Variants in SCGN observed in about 807,000 individuals in gnomAD.
SCGN encodes the protein secretagogin.
In SCGN, 30 loss-of-function variants were observed where a neutral mutation model predicts 39.7. The observed-to-expected ratio is 0.76, with a 90% CI of 0.57 to 1.03. The LOEUF (loss-of-function observed/expected upper bound fraction) is 1.03, where lower values mean the gene tolerates loss of function less well. Among genes scored for constraint, SCGN ranks in the 50% least tolerant of loss-of-function variants. The probability of loss-of-function intolerance (pLI) is 0.00; values close to 1 mark genes in which losing one functional copy is unlikely to be tolerated. For synonymous variants in SCGN, 106 were observed against 114.1 expected, an observed-to-expected ratio of 0.93 and a Z score of 0.45; for missense variants, 353 against 349.4, an observed-to-expected ratio of 1.01 and a Z score of -0.08.
intron 3 of SCGN, among the ~76,000 whole-genome samples, chr6:25,663,849 C>T (rs544178453): frequency 6.6e-6 from 1 of 152,170 alleles, no homozygotes; most frequent in Admixed American, 6.5e-5. Context: ...TGTCCTTGAG[C>T]TGACCCATAT....
chr6:25,660,368 G>A (rs1760315966), intron 2 of SCGN, among the ~76,000 whole-genome samples: 2 of 152,202 alleles, frequency 1.3e-5, no homozygotes, highest in African/African-American at 4.8e-5. Context: ...GCCTGTGATG[G>A]AGGGCAAAGA....
intron 2 of SCGN, among the ~76,000 whole-genome samples, chr6:25,655,616 ATAATCCT>A (rs1760213751): frequency 6.6e-6 from 1 of 152,190 alleles, no homozygotes; most frequent in Non-Finnish European, 1.5e-5. Flanking sequence ...GGAAGTTCTC[ATAATCCT>A]TAACCTAGTG....
chr6:25,690,072 A>T (rs1759756425), intron 9 of SCGN, among the ~76,000 whole-genome samples: 1 of 152,190 alleles, frequency 6.6e-6, no homozygotes, highest in Non-Finnish European at 1.5e-5. Flanking sequence ...GGTTATAAGG[A>T]TGTTTCCCTG....
rs374121641 is a variant in SCGN at position 25,698,374 on chromosome 6, CA to C, written c.703-2828del. 1.2e-4 allele frequency among the ~76,000 whole-genome samples: 18 copies of C among 152,206 alleles called. No individual in the cohort carries two copies. In the South Asian group the frequency reaches 2.3e-3, roughly 19 times the overall value. On this transcript the variant is annotated intron_variant, in intron 10 of 10. Transcript: ENST00000377961. ...AATTAGAAAACAAAACAAAACAAAA[CA>C]AAAACAAACTTAGAATAGTTTGAAT...
chr6:25,661,603 A>G lies in SCGN; in HGVS notation c.205A>G (p.Thr69Ala), dbSNP rs1283748098. 3.1e-6 allele frequency: 5 copies of G among 1,613,698 alleles called. No homozygotes were observed. The highest frequency in any genetic ancestry group is 4.2e-6 in the Non-Finnish European group (5 of 1,179,686). Residue 69 changes from threonine to alanine, a missense_variant, in exon 3 of 11, where the codon ACC becomes GCC. Coordinates refer to ENST00000377961, the MANE Select transcript of SCGN (RefSeq NM_006998.4). Reference sequence around the variant, plus strand: ...CAAGGTGAAACAGCAGTTTATGACTACCCAAGATGCCTCTAAAGATGGTCG... The same window carrying G: ...CAAGGTGAAACAGCAGTTTATGACTGCCCAAGATGCCTCTAAAGATGGTCG... ...LHKVKQQFMT[T>A]QDASKDGRIR... is the part of the protein sequence containing the mutation.
chr6:25,699,657 G>A (rs1481672650), intron 10 of SCGN, among the ~76,000 whole-genome samples: 1 of 151,678 alleles, frequency 6.6e-6, no homozygotes, highest in Non-Finnish European at 1.5e-5. Flanking sequence ...GTGTAAACCA[G>A]GGTGCAGAGA....
chr6:25,693,967 A>T (rs779300977), intron 10 of SCGN, among the ~76,000 whole-genome samples: 6 of 152,236 alleles, frequency 3.9e-5, no homozygotes, highest in Non-Finnish European at 7.3e-5. Flanking sequence ...TAAAGTTGTC[A>T]TGAAGATTAC....
At chr6:25,676,834 C>A (rs1759569221) in intron 6 of SCGN, among the ~76,000 whole-genome samples, 1 of 152,170 alleles carries the variant, frequency 6.6e-6, no homozygotes, top group South Asian at 2.1e-4. Context: ...TTTGTTTGTT[C>A]AGTAAATAGA....
intron 9 of SCGN, 69 bp downstream of exon 9, chr6:25,689,601 C>A: frequency 7.8e-7 from 1 of 1,280,092 alleles, no homozygotes; most frequent in Admixed American, 1.7e-5. Context: ...CTATGTGGAG[C>A]CATCTTACCC....
At chr6:25,674,157 C>G (rs1425609994) in intron 6 of SCGN, among the ~76,000 whole-genome samples, 2 of 152,190 alleles carry the variant, frequency 1.3e-5, no homozygotes, top group Admixed American at 6.5e-5. Flanking sequence ...TACATTTCAA[C>G]ATGAGATTTA....
rs186619925 is a variant in SCGN, at chr6:25,679,467, C to T, written c.472-2484C>T. 4.2e-4 allele frequency among the ~76,000 whole-genome samples: 60 copies of T among 142,766 alleles called. No homozygotes were observed. The South Asian group carries it at 5.5e-3, about 13-fold the overall frequency. 93.7% of individuals were successfully genotyped at this position (142,766 alleles called of 152,430 possible). A position where few individuals can be genotyped will look rare whatever the true frequency, so the allele number is the denominator to read the frequency against. On this transcript the variant is annotated intron_variant, in intron 6 of 10. Transcript: ENST00000377961. ...TGAGCACCCTTGCAGCTTCAGGGCACGGAGCCCCGTGGGCAGGTGTGTGTG... is the reference window on the plus strand; with the variant it reads ...TGAGCACCCTTGCAGCTTCAGGGCATGGAGCCCCGTGGGCAGGTGTGTGTG...
intron 6 of SCGN, among the ~76,000 whole-genome samples, chr6:25,674,939 C>A (rs1759546086): frequency 6.6e-6 from 1 of 152,126 alleles, no homozygotes; most frequent in Admixed American, 6.5e-5. Flanking sequence ...ATAATTCTGG[C>A]TGATGTTAAA....
intron 6 of SCGN, among the ~76,000 whole-genome samples, chr6:25,677,038 A>G (rs1759572825): frequency 6.6e-6 from 1 of 151,200 alleles, no homozygotes; most frequent in Admixed American, 6.6e-5. Context: ...CACTCCCAGA[A>G]CACCTCTTGT....
intron 2 of SCGN, among the ~76,000 whole-genome samples, chr6:25,654,379 C>A (rs1218676137): frequency 6.6e-6 from 1 of 152,224 alleles, no homozygotes; most frequent in East Asian, 1.9e-4. Flanking sequence ...CCTTCTTCAG[C>A]CACACAGATC....
chr6:25,657,256 C>T (rs1197222204), intron 2 of SCGN, among the ~76,000 whole-genome samples: 1 of 152,088 alleles, frequency 6.6e-6, no homozygotes, highest in East Asian at 1.9e-4. Flanking sequence ...AGACCCACTC[C>T]AAAGAAGACT....
At chr6:25,672,479 T>C (rs751770453) in intron 6 of SCGN, among the ~76,000 whole-genome samples, 1 of 152,062 alleles carries the variant, frequency 6.6e-6, no homozygotes. Context: ...TTCAATAAGA[T>C]GGTCAGGGTG....
In SCGN at chr6:25,699,422, C is replaced by G. The variant is rs563506610; in HGVS notation, c.703-1785C>G. Reference sequence around the variant, plus strand: ...TGGCCAACATGGTGAAACCCTGTCTCTACTGAAAAAATACAAAATTAGCCG... The same window carrying G: ...TGGCCAACATGGTGAAACCCTGTCTGTACTGAAAAAATACAAAATTAGCCG... On this transcript the variant is annotated intron_variant, in intron 10 of 10. Transcript: ENST00000377961. Among the ~76,000 whole-genome samples the G allele has an allele frequency of 2.8e-4, 43 of 151,634 alleles. No individual in the cohort carries two copies. In the South Asian group the frequency reaches 8.6e-3, roughly 30 times the overall value.
In SCGN at chr6:25,701,630, G is replaced by A. The variant is rs79999623; in HGVS notation, c.*295G>A. On this transcript the variant is annotated 3_prime_UTR_variant, in exon 11 of 11. Transcript: ENST00000377961. Reference sequence around the variant, plus strand: ...CCTGTCCTTCCCCAGTCACCAGGGTGGGGGGGACAGGGGCAGCTGAGTGCA... The same window carrying A: ...CCTGTCCTTCCCCAGTCACCAGGGTAGGGGGGACAGGGGCAGCTGAGTGCA... 13 of 243,332 alleles carry A rather than the reference G, an allele frequency of 5.3e-5. No homozygotes were observed. The highest frequency in any genetic ancestry group is 7.7e-5 in the Non-Finnish European group (10 of 130,416). The allele number at this position is 243,332 out of a possible 1,614,324, so 15.1% of individuals were successfully genotyped here. A position where few individuals can be genotyped will look rare whatever the true frequency, so the allele number is the denominator to read the frequency against.
chr6:25,701,505 T>G lies in SCGN; in HGVS notation c.*170T>G. The stretch of plus-strand genomic sequence containing the variant: ...TCCTTCCACCGGCGTGATCTATCCC[T>G]GTCTCACTGAAAGCCCCTGTGTAGT... On this transcript the variant is annotated 3_prime_UTR_variant, in exon 11 of 11. Transcript: ENST00000377961. 1.4e-6 allele frequency: 1 copy of G among 725,946 alleles called. No homozygotes were observed. The highest frequency in any genetic ancestry group is 3.1e-5 in the Admixed American group (1 of 32,570). 45.0% of individuals were successfully genotyped at this position (725,946 alleles called of 1,614,324 possible).
Sources: allele counts gnomAD v4.1 joint callset (sites outside exome capture counted in the v4.1 genomes callset), GRCh38; gene constraint gnomAD v4.1.1; transcripts MANE v1.5; gene names NCBI Gene and HGNC (gene_info 2026-07-23, HGNC 2026-07-21).